METTL15: variants seen among roughly 807,000 people sequenced by gnomAD.
METTL15 encodes methyltransferase 15, mitochondrial 12S rRNA N4-cytidine, also known as 12S rRNA N(4)-cytidine methyltransferase METTL15.
METTL15 carries 34 observed loss-of-function variants against 38.3 expected under a neutral mutation model. That is an observed-to-expected ratio of 0.89 (90% confidence interval 0.68 to 1.18). The LOEUF (loss-of-function observed/expected upper bound fraction) is 1.18, where lower values mean the gene tolerates loss of function less well. METTL15 is among the 50% of genes most tolerant of loss of function. The pLI, the probability that METTL15 is intolerant of heterozygous loss-of-function variation, is 0.00. For synonymous variants in METTL15, 162 were observed against 170.9 expected, an observed-to-expected ratio of 0.95 and a Z score of 0.41; for missense variants, 438 against 498.4, an observed-to-expected ratio of 0.88 and a Z score of 1.15.
chr11:28,280,431 T>A (rs1856010328), intron 4 of METTL15, among the ~76,000 whole-genome samples: 1 of 152,162 alleles, frequency 6.6e-6, no homozygotes, highest in Non-Finnish European at 1.5e-5. Context: ...GTAATTTTAT[T>A]TCCTGTTGTC....
chr11:28,497,783 A>C (rs965224933), intron 6 of METTL15, among the ~76,000 whole-genome samples: 1 of 152,050 alleles, frequency 6.6e-6, no homozygotes, highest in African/African-American at 2.4e-5. Context: ...TTAAGGCTGG[A>C]TGCGGTGACT....
At chr11:28,112,553 G>C (rs1275103452) in intron 2 of METTL15, among the ~76,000 whole-genome samples, 6 of 152,078 alleles carry the variant, frequency 3.9e-5, no homozygotes, top group Non-Finnish European at 8.8e-5. Flanking sequence ...ATTTTAAAGA[G>C]TTATGGATTG....
chr11:28,329,040 G>A (rs999707796), intron 6 of METTL15, among the ~76,000 whole-genome samples: 25 of 152,036 alleles, frequency 1.6e-4, no homozygotes, highest in East Asian at 1.5e-3. Flanking sequence ...TGCAACATTC[G>A]AAGTCATTAA....
intron 6 of METTL15, among the ~76,000 whole-genome samples, chr11:28,518,386 T>C (rs747527961): frequency 2.4e-4 from 36 of 152,322 alleles, no homozygotes; most frequent in Middle Eastern, 3.4e-3. Flanking sequence ...GTTTGGCAGA[T>C]TGAAAACCAG....
chr11:28,208,204 G>C (rs899483465), intron 3 of METTL15, among the ~76,000 whole-genome samples: 1 of 151,868 alleles, frequency 6.6e-6, no homozygotes, highest in Admixed American at 6.6e-5. Flanking sequence ...GTGATGTTAG[G>C]GTGTCAGTTT....
chr11:28,318,904 C>G (rs546643904), intron 6 of METTL15, among the ~76,000 whole-genome samples: 76 of 152,192 alleles, frequency 5.0e-4, no homozygotes, highest in Middle Eastern at 6.8e-3. Context: ...TTTTTAAACC[C>G]ACTATCAAGA....
intron 6 of METTL15, among the ~76,000 whole-genome samples, chr11:28,504,967 G>T (rs1238269749): frequency 2.0e-5 from 3 of 152,148 alleles, no homozygotes; most frequent in Admixed American, 2.0e-4. Flanking sequence ...TTCACCACCA[G>T]ACTAAGCAGC....
intron 6 of METTL15, among the ~76,000 whole-genome samples, chr11:28,425,699 A>G (rs1490992165): frequency 3.9e-5 from 6 of 152,184 alleles, no homozygotes; most frequent in Non-Finnish European, 5.9e-5. Context: ...CCTTTAATGC[A>G]TCGTATATGC....
At chr11:28,224,706 T>C (rs971110974) in intron 4 of METTL15, among the ~76,000 whole-genome samples, 4 of 151,860 alleles carry the variant, frequency 2.6e-5, no homozygotes, top group African/African-American at 9.7e-5. Flanking sequence ...CTAATTCTTA[T>C]ATACTCTTAT....
chr11:28,209,333 A>C lies in METTL15; in HGVS notation c.271-1729A>C, dbSNP rs773349500. Among the ~76,000 whole-genome samples the C allele has an allele frequency of 2.6e-5, 4 of 152,134 alleles. No homozygotes were observed. In the South Asian group the frequency reaches 6.2e-4, roughly 24 times the overall value. On this transcript the variant is annotated intron_variant, in intron 3 of 6. Transcript: ENST00000407364. The stretch of plus-strand genomic sequence containing the variant: ...GCCTTGGAAAAAATTCTTTGGTTAA[A>C]TTATGTTGAACTTCTTAAAATTTTC...
chr11:28,435,173 CTCT>C (rs1850970510), intron 6 of METTL15, among the ~76,000 whole-genome samples: 1 of 152,182 alleles, frequency 6.6e-6, no homozygotes, highest in Admixed American at 6.5e-5. Context: ...CCTCCAAAAT[CTCT>C]TCAAGTTGGG....
chr11:28,327,788 G>T, intron 6 of METTL15: 2 of 234,472 alleles, frequency 8.5e-6, no homozygotes, highest in South Asian at 1.5e-4. Flanking sequence ...TATTTTTTTG[G>T]TTTTGTTATG....
chr11:28,234,562 T>C (rs1384850406), intron 4 of METTL15, among the ~76,000 whole-genome samples: 2 of 151,952 alleles, frequency 1.3e-5, no homozygotes, highest in Admixed American at 6.6e-5. Flanking sequence ...CCAGTGATGA[T>C]GAGCATTTTT....
chr11:28,125,161 A>C (rs1215879353), intron 3 of METTL15, among the ~76,000 whole-genome samples: 1 of 152,100 alleles, frequency 6.6e-6, no homozygotes, highest in African/African-American at 2.4e-5. Context: ...AATAGAAACC[A>C]TCCAGATTTT....
chr11:28,196,358 G>A (rs1188944737), intron 3 of METTL15, among the ~76,000 whole-genome samples: 1 of 151,850 alleles, frequency 6.6e-6, no homozygotes, highest in African/African-American at 2.4e-5. Flanking sequence ...CCATTTCTTT[G>A]TGTCATCTAT....
chr11:28,187,715 G>A (rs1220535080), intron 3 of METTL15, among the ~76,000 whole-genome samples: 1 of 150,886 alleles, frequency 6.6e-6, no homozygotes. Context: ...TGAAAAAGAA[G>A]CACTTCTAAG....
In METTL15 at chr11:28,155,953, AG is replaced by A. The variant is rs1183370208; in HGVS notation, c.270+42350del. ...TTATATGCCACTTGAGAGTAAGTAT[AG>A]TAATTAATAGCGCGATCTTCATTTT... On this transcript the variant is annotated intron_variant, in intron 3 of 6. Transcript: ENST00000407364. Among the ~76,000 whole-genome samples the A allele has an allele frequency of 1.1e-4, 16 of 152,318 alleles. 1 individual carries two copies. Among genetic ancestry groups the A allele is most frequent in the African/African-American group, 3.8e-4 (16 of 41,578 alleles).
chr11:28,383,234 T>G (rs982405292), intron 5 of METTL15, among the ~76,000 whole-genome samples: 2 of 152,184 alleles, frequency 1.3e-5, no homozygotes, highest in African/African-American at 4.8e-5. Context: ...TTTCTATTAC[T>G]ATGTTAGTTT....
intron 6 of METTL15, among the ~76,000 whole-genome samples, chr11:28,471,883 G>T (rs867600089): frequency 2.0e-5 from 3 of 152,020 alleles, no homozygotes; most frequent in African/African-American, 4.8e-5. Context: ...CATTCTCTGT[G>T]GGGGGAAAAA....
Sources: allele counts gnomAD v4.1 joint callset (sites outside exome capture counted in the v4.1 genomes callset), GRCh38; gene constraint gnomAD v4.1.1; transcripts MANE v1.5; gene names NCBI Gene and HGNC (gene_info 2026-07-23, HGNC 2026-07-21).